MEGF10: variants seen among roughly 807,000 people sequenced by gnomAD.
MEGF10 encodes the protein multiple epidermal growth factor-like domains protein 10.
MEGF10 carries 86 observed loss-of-function variants against 147.5 expected under a neutral mutation model. The ratio of observed to expected loss-of-function variants is 0.58; its 90% CI spans 0.49 to 0.70. The LOEUF (loss-of-function observed/expected upper bound fraction) is 0.70, where lower values mean the gene tolerates loss of function less well. MEGF10 is among the 30% of genes least tolerant of loss of function. The pLI, the probability that MEGF10 is intolerant of heterozygous loss-of-function variation, is 0.00. For synonymous variants in MEGF10, 478 were observed against 525.5 expected (o/e 0.91, Z 1.24); for missense variants, 1,329 against 1,487.3 (o/e 0.89, Z 1.75).
intron 9 of MEGF10, among the ~76,000 whole-genome samples, chr5:127,416,406 C>T (rs546019211): frequency 6.6e-6 from 1 of 152,064 alleles, no homozygotes; most frequent in African/African-American, 2.4e-5. Flanking sequence ...AGAAATTGGC[C>T]CAAGGATAAT....
intron 1 of MEGF10, among the ~76,000 whole-genome samples, chr5:127,321,808 A>C (rs1416963490): frequency 6.6e-6 from 1 of 152,056 alleles, no homozygotes; most frequent in East Asian, 1.9e-4. Flanking sequence ...CCTTGCCTGT[A>C]CTCAGGCTTC....
At chr5:127,331,479 C>A in intron 2 of MEGF10, 55 bp downstream of exon 2, 1 of 921,880 alleles carries the variant, frequency 1.1e-6, no homozygotes. Flanking sequence ...CCCTTATATA[C>A]TGTAATTATC....
chr5:127,355,940 A>G (rs1762264611), intron 4 of MEGF10, among the ~76,000 whole-genome samples: 2 of 152,224 alleles, frequency 1.3e-5, no homozygotes, highest in Admixed American at 1.3e-4. Context: ...TTATCTCTAG[A>G]AAATTAGTTC....
In MEGF10 at chr5:127,454,637, C is replaced by G. The variant is rs768180994; in HGVS notation, c.3025+27C>G. On this transcript the variant is annotated intron_variant, in intron 23 of 24. Transcript: ENST00000503335. ...TATCATGTAAATTTGAAGAAGAAATCAGAAGCACAATTAAATTTTTTTTAA... is the reference window on the plus strand; with the variant it reads ...TATCATGTAAATTTGAAGAAGAAATGAGAAGCACAATTAAATTTTTTTTAA... The G allele has an allele frequency of 8.8e-6, 14 of 1,583,700 alleles. No individual in the cohort carries two copies. In the Admixed American group the frequency reaches 2.6e-4, roughly 29 times the overall value.
Position 127,422,729 on chromosome 5 carries a change from C to A in MEGF10, c.1650C>A (p.Cys550Ter). Residue 550 changes from cysteine to a stop codon, truncating the protein, a stop_gained, in exon 13 of 25, where the codon TGC becomes TGA. Transcript: ENST00000503335. LOFTEE classifies it high-confidence loss of function. Reference protein sequence around the residue: ...ERCDCSHADGCHPTTGHCRCL... With the variant: ...ERCDCSHADG ...GCGACTGCAGCCACGCAGATGGCTG[C>A]CACCCTACCACGGGCCATTGCCGCT... 2 of 1,614,112 alleles carry A rather than the reference C, an allele frequency of 1.2e-6. No homozygotes were observed. Among genetic ancestry groups the A allele is most frequent in the Non-Finnish European group, 1.7e-6 (2 of 1,180,002 alleles).
the MEGF10 span, among the ~76,000 whole-genome samples, chr5:127,279,550 G>A: frequency 1.3e-5 from 2 of 152,026 alleles, no homozygotes; most frequent in African/African-American, 2.4e-5. Flanking sequence ...GGATCTCCAC[G>A]GGTCATTCCC....
At chr5:127,457,066 G>T (rs781639674) in intron 24 of MEGF10, 62 bp from the exon 25 acceptor site, 6 of 1,459,358 alleles carry the variant, frequency 4.1e-6, no homozygotes, top group East Asian at 2.3e-5. Flanking sequence ...TGCAAGAAAT[G>T]CCATATTCTT....
At chr5:127,453,673 T>A (rs1766241774) in intron 22 of MEGF10, among the ~76,000 whole-genome samples, 1 of 152,200 alleles carries the variant, frequency 6.6e-6, no homozygotes, top group Non-Finnish European at 1.5e-5. Flanking sequence ...ATCTATAGTT[T>A]TCTCCTTTTT....
intron 17 of MEGF10, 31 bp downstream of exon 17, chr5:127,438,598 G>T (rs1465519515): frequency 1.2e-6 from 2 of 1,610,318 alleles, no homozygotes; most frequent in Non-Finnish European, 1.7e-6. Flanking sequence ...GGCTCACCAA[G>T]GGGAGCCTTG....
At chr5:127,233,058 T>C in the MEGF10 span, among the ~76,000 whole-genome samples, 1 of 152,344 alleles carries the variant, frequency 6.6e-6, no homozygotes, top group African/African-American at 2.4e-5. Context: ...CACAGGAGAA[T>C]TGCTCCTAAT....
chr5:127,241,684 AC>A, the MEGF10 span, among the ~76,000 whole-genome samples: 1 of 152,158 alleles, frequency 6.6e-6, no homozygotes, highest in African/African-American at 2.4e-5. Flanking sequence ...ATTAAAAATT[AC>A]CTTTTTGAGC....
chr5:127,454,712 T>C, intron 23 of MEGF10, 102 bp downstream of exon 23: 1 of 1,077,072 alleles, frequency 9.3e-7, no homozygotes, highest in South Asian at 1.6e-5. Flanking sequence ...CAAGAGAAAA[T>C]GTAGAATTTT....
At chr5:127,352,438 G>C (rs1393403458) in intron 4 of MEGF10, among the ~76,000 whole-genome samples, 1 of 152,172 alleles carries the variant, frequency 6.6e-6, no homozygotes. Flanking sequence ...GAGGCAGGCA[G>C]ATCACCTGAG....
chr5:127,321,486 G>A (rs768905233), intron 1 of MEGF10, among the ~76,000 whole-genome samples: 16 of 151,908 alleles, frequency 1.1e-4, no homozygotes, highest in Admixed American at 3.9e-4. Flanking sequence ...AATGGAATCT[G>A]GATAGATTTA....
At chr5:127,387,757 A>G (rs886157848) in intron 5 of MEGF10, among the ~76,000 whole-genome samples, 1 of 152,242 alleles carries the variant, frequency 6.6e-6, no homozygotes, top group African/African-American at 2.4e-5. Flanking sequence ...TCATTGAGTT[A>G]TTGTGAGGTT....
intron 7 of MEGF10, among the ~76,000 whole-genome samples, chr5:127,401,934 C>A (rs570646730): frequency 1.3e-5 from 2 of 152,168 alleles, no homozygotes; most frequent in Non-Finnish European, 2.9e-5. Flanking sequence ...GTTGAATCTG[C>A]TGAAAATAAA....
intron 4 of MEGF10, among the ~76,000 whole-genome samples, chr5:127,363,541 A>G (rs1289660183): frequency 1.3e-5 from 2 of 152,178 alleles, no homozygotes; most frequent in African/African-American, 4.8e-5. Context: ...TGTTTTCCAC[A>G]TAGGCATTTC....
At chr5:127,413,206 G>A (rs746394550) in intron 9 of MEGF10, among the ~76,000 whole-genome samples, 2 of 152,148 alleles carry the variant, frequency 1.3e-5, no homozygotes, top group African/African-American at 2.4e-5. Context: ...AACTTTAGCA[G>A]TATTATTGAG....
At chr5:127,442,918 A>G in intron 18 of MEGF10, 80 bp from the exon 19 acceptor site, 1 of 1,469,052 alleles carries the variant, frequency 6.8e-7, no homozygotes, top group Non-Finnish European at 9.3e-7. Context: ...TCAGCTCTAG[A>G]TGTGCAGGGC....
Sources: gnomAD v4.1 joint callset for allele counts (sites outside exome capture counted in the v4.1 genomes callset) on GRCh38, gnomAD v4.1.1 for gene constraint, MANE v1.5 for transcripts, NCBI Gene and HGNC (gene_info 2026-07-23, HGNC 2026-07-21) for gene names.